Variants in GOLGA4 observed in about 807,000 individuals in gnomAD.
The protein encoded by GOLGA4 is golgin A4, also known as golgin subfamily A member 4.
GOLGA4 carries 169 observed loss-of-function variants against 265.9 expected under a neutral mutation model. The observed-to-expected ratio is 0.64, with a 90% confidence interval of 0.56 to 0.72. GOLGA4 has a LOEUF of 0.72. Ranked by LOEUF, GOLGA4 falls within the 30% of genes least tolerant of loss-of-function variation. The pLI is 0.00. For synonymous variants in GOLGA4, 923 were observed against 855.8 expected (o/e 1.08, Z -1.37); for missense variants, 2,482 against 2,483.4 (o/e 1.00, Z 0.01).
At chr3:37,332,492 G>GT (rs1467041246) in intron 16 of GOLGA4, among the ~76,000 whole-genome samples, 1 of 152,104 alleles carries the variant, frequency 6.6e-6, no homozygotes, top group Non-Finnish European at 1.5e-5. Flanking sequence ...GGGTGGCAGA[G>GT]TGAGGCCCTG....
At chr3:37,284,177 C>G (rs940444246) in intron 3 of GOLGA4, among the ~76,000 whole-genome samples, 1 of 152,168 alleles carries the variant, frequency 6.6e-6, no homozygotes, top group Admixed American at 6.5e-5. Flanking sequence ...CCCTCCACCC[C>G]TTTTTTGAGC....
intron 7 of GOLGA4, among the ~76,000 whole-genome samples, chr3:37,298,198 T>C (rs2096883678): frequency 1.3e-5 from 2 of 152,178 alleles, no homozygotes; most frequent in African/African-American, 4.8e-5. Context: ...GAGCCGAGTG[T>C]GCACGTGACC....
chr3:37,296,176 C>T lies in GOLGA4; in HGVS notation c.771C>T (p.Val257=), dbSNP rs141755194. The T allele has an allele frequency of 1.1e-5, 18 of 1,613,550 alleles. No homozygotes were observed. The Admixed American group carries it at 2.3e-4, about 21-fold the overall frequency. Residue 257 remains valine (V), a synonymous_variant, in exon 7 of 24, where the codon GTC becomes GTT. Coordinates refer to ENST00000361924, the MANE Select transcript of GOLGA4 (RefSeq NM_002078.5). The stretch of plus-strand genomic sequence containing the variant: ...CTCAGCTGGAACCACAGGCTGAAGT[C>T]TTCACTAAAGAAGAGAATCCAGAAA... ...PLPQLEPQAE[V]FTKEENPESD...
Position 37,243,446 on chromosome 3 carries a change from G to T in GOLGA4, c.-105G>T. ...GAGGAGACGGCGAGGCCCGGCCCCC[G>T]CTGTCCCTGGTGTAAAGAAGTCGCC... On this transcript the variant is annotated 5_prime_UTR_variant, in exon 1 of 24. Transcript: ENST00000361924. 2.1e-6 allele frequency: 2 copies of T among 947,040 alleles called. No individual in the cohort carries two copies. The highest frequency in any genetic ancestry group is 1.7e-6 in the Non-Finnish European group (1 of 584,226). 58.7% of individuals were successfully genotyped at this position (947,040 alleles called of 1,614,324 possible). A position where few individuals can be genotyped will look rare whatever the true frequency, so the allele number is the denominator to read the frequency against.
At chr3:37,294,880 G>A (rs1009595501) in intron 5 of GOLGA4, 99 bp from the exon 6 acceptor site, 2 of 659,684 alleles carry the variant, frequency 3.0e-6, no homozygotes, top group South Asian at 4.3e-5. Flanking sequence ...GATACCTTAA[G>A]GGGAATGCAA....
chr3:37,335,748 CTT>C (rs75959188), intron 17 of GOLGA4, among the ~76,000 whole-genome samples: 4 of 136,392 alleles, frequency 2.9e-5, no homozygotes, highest in East Asian at 2.1e-4. Context: ...AAGATCTAAG[CTT>C]TTTTTTTTTT....
At chr3:37,247,826 C>T (rs1252658057) in intron 1 of GOLGA4, among the ~76,000 whole-genome samples, 3 of 152,176 alleles carry the variant, frequency 2.0e-5, no homozygotes, top group Non-Finnish European at 4.4e-5. Context: ...TGACCACTTT[C>T]GGCTTAGAGG....
At chr3:37,270,582 C>G (rs1578427816) in intron 2 of GOLGA4, among the ~76,000 whole-genome samples, 1 of 152,124 alleles carries the variant, frequency 6.6e-6, no homozygotes, top group South Asian at 2.1e-4. Flanking sequence ...AGAATATGGA[C>G]TCTTGCTGTT....
At chr3:37,291,445 CTAATT>C (rs1428305119) in intron 5 of GOLGA4, among the ~76,000 whole-genome samples, 1 of 152,224 alleles carries the variant, frequency 6.6e-6, no homozygotes, top group Non-Finnish European at 1.5e-5. Context: ...TATCTATTCT[CTAATT>C]TAAATTATAG....
chr3:37,262,457 C>T (rs2096772227), intron 2 of GOLGA4, among the ~76,000 whole-genome samples: 1 of 151,742 alleles, frequency 6.6e-6, no homozygotes, highest in African/African-American at 2.4e-5. Flanking sequence ...TTGCAGTGAG[C>T]TGAGATGGCA....
At chr3:37,251,013 G>A (rs941184827) in intron 1 of GOLGA4, among the ~76,000 whole-genome samples, 3 of 151,950 alleles carry the variant, frequency 2.0e-5, no homozygotes, top group African/African-American at 7.3e-5. Context: ...TCTAATTTTG[G>A]AATAATTTTG....
intron 23 of GOLGA4, among the ~76,000 whole-genome samples, chr3:37,362,780 C>CTTTTTTTTTTGTTTTTT (rs1696420717): frequency 1.3e-5 from 1 of 75,464 alleles, no homozygotes; most frequent in Non-Finnish European, 2.8e-5. Flanking sequence ...AGCCTCTAAG[C>CTTTTTTTTTTGTTTTTT]TTTTTTTTTT....
chr3:37,276,011 A>C (rs2096816963), intron 2 of GOLGA4: 2 of 1,613,228 alleles, frequency 1.2e-6, no homozygotes, highest in Non-Finnish European at 8.5e-7. Flanking sequence ...AAGAGAAGAA[A>C]GTACTTCCAG....
chr3:37,275,215 CAAAAAAAAAAAAAAA>C (rs749758741), intron 2 of GOLGA4, among the ~76,000 whole-genome samples: 3 of 44,962 alleles, frequency 6.7e-5, no homozygotes, highest in Admixed American at 7.1e-4. Context: ...GACTCCGTCT[CAAAAAAAAAAAAAAA>C]AAAAAAAAAA....
intron 1 of GOLGA4, among the ~76,000 whole-genome samples, chr3:37,246,606 T>C (rs1470054626): frequency 6.6e-6 from 1 of 152,152 alleles, no homozygotes; most frequent in East Asian, 1.9e-4. Flanking sequence ...TGCCAAAGGC[T>C]GGAGAGAGGA....
At chr3:37,273,240 G>A (rs1394803766) in intron 2 of GOLGA4, among the ~76,000 whole-genome samples, 2 of 152,040 alleles carry the variant, frequency 1.3e-5, no homozygotes, top group Non-Finnish European at 2.9e-5. Flanking sequence ...TTGTTATGGG[G>A]GAAAAACTGG....
intron 23 of GOLGA4, among the ~76,000 whole-genome samples, chr3:37,363,134 T>C (rs986841777): frequency 1.1e-4 from 17 of 152,258 alleles, no homozygotes; most frequent in African/African-American, 4.1e-4. Flanking sequence ...AGCCTCCTTT[T>C]GATTTTAATA....
At chr3:37,270,368 T>G (rs2096795424) in intron 2 of GOLGA4, among the ~76,000 whole-genome samples, 1 of 149,782 alleles carries the variant, frequency 6.7e-6, no homozygotes, top group Non-Finnish European at 1.5e-5. Flanking sequence ...ACCACGACGT[T>G]TTTATAGAAA....
Position 37,324,184 on chromosome 3 carries a change from G to A in GOLGA4, c.2298G>A (p.Lys766=). ...TTAATCAACTTGAGCTTCTCTTGAA[G>A]GAAAGGGACAAGCATTTGAAAGAGC... ...DQINQLELLL[K]ERDKHLKEHQ... The change falls in exon 14 of 24, where the codon AAG becomes AAA. Residue 766 remains lysine, a synonymous_variant. Transcript: ENST00000361924. 1 of 1,614,120 alleles carries A rather than the reference G, an allele frequency of 6.2e-7. No individual in the cohort carries two copies. The highest frequency in any genetic ancestry group is 8.5e-7 in the Non-Finnish European group (1 of 1,180,004).
Sources: gnomAD v4.1 joint callset for allele counts (sites outside exome capture counted in the v4.1 genomes callset) on GRCh38, gnomAD v4.1.1 for gene constraint, MANE v1.5 for transcripts, NCBI Gene and HGNC (gene_info 2026-07-23, HGNC 2026-07-21) for gene names.